Variants in ACAD11 observed in about 807,000 individuals in gnomAD.
ACAD11 encodes acyl-CoA dehydrogenase family member 11.
Under a neutral mutation model 102.2 loss-of-function variants are expected in ACAD11, and 83 were observed. That is an observed-to-expected ratio of 0.81 (90% CI 0.68 to 0.97). The LOEUF (loss-of-function observed/expected upper bound fraction) is 0.97. Among genes scored for constraint, ACAD11 ranks in the 50% least tolerant of loss-of-function variants. ACAD11 has a pLI of 0.00. For synonymous variants in ACAD11, 324 were observed against 319.8 expected (o/e 1.01, Z -0.14); for missense variants, 901 against 951.7 (o/e 0.95, Z 0.70).
chr3:132,575,464 C>G (rs1937508884), intron 17 of ACAD11, among the ~76,000 whole-genome samples: 1 of 152,190 alleles, frequency 6.6e-6, no homozygotes, highest in South Asian at 2.1e-4. Context: ...TTCCTTATGA[C>G]AGCTCCTTCA....
intron 5 of ACAD11, among the ~76,000 whole-genome samples, chr3:132,638,174 C>T (rs1453852464): frequency 6.6e-6 from 1 of 152,070 alleles, no homozygotes; most frequent in African/African-American, 2.4e-5. Context: ...CTAGTTGCTC[C>T]ACATTGACTG....
At chr3:132,645,697 T>C (rs1012336858) in intron 1 of ACAD11, 5 of 152,228 alleles carry the variant, frequency 3.3e-5, no homozygotes, top group African/African-American at 9.6e-5. Context: ...TTGGAGCTTC[T>C]TCCCAGGACT....
chr3:132,649,823 T>A (rs745545732), intron 1 of ACAD11: 1 of 152,142 alleles, frequency 6.6e-6, no homozygotes, highest in Non-Finnish European at 1.5e-5. Flanking sequence ...CAAAATTGAG[T>A]GAGCAATGAT....
chr3:132,559,156 C>T (rs1427618817), intron 19 of ACAD11, 71 bp from the exon 20 acceptor site: 2 of 1,032,002 alleles, frequency 1.9e-6, no homozygotes, highest in Non-Finnish European at 3.0e-6. Flanking sequence ...ACATCAGTCA[C>T]TCTGATTGTC....
intron 17 of ACAD11, among the ~76,000 whole-genome samples, chr3:132,571,822 T>C (rs977582265): frequency 2.6e-5 from 4 of 152,218 alleles, no homozygotes; most frequent in African/African-American, 9.7e-5. Flanking sequence ...ATCATCTCAA[T>C]AGATGCAGAA....
intron 17 of ACAD11, among the ~76,000 whole-genome samples, chr3:132,567,753 A>C (rs146650859): frequency 6.6e-6 from 1 of 152,300 alleles, no homozygotes; most frequent in East Asian, 1.9e-4. Flanking sequence ...CAGGACATCT[A>C]CAAAAATGCT....
intron 4 of ACAD11, among the ~76,000 whole-genome samples, chr3:132,640,120 T>TC (rs1940432790): frequency 6.7e-6 from 1 of 148,416 alleles, no homozygotes; most frequent in African/African-American, 2.5e-5. Flanking sequence ...GACATTTACT[T>TC]TTTTTTTTTT....
intron 17 of ACAD11, among the ~76,000 whole-genome samples, chr3:132,569,251 A>G (rs1440711568): frequency 6.6e-6 from 1 of 152,170 alleles, no homozygotes; most frequent in East Asian, 1.9e-4. Context: ...TGATTCACCA[A>G]CAGGGCAACT....
At chr3:132,595,779 A>G (rs923601370) in intron 13 of ACAD11, among the ~76,000 whole-genome samples, 4 of 152,190 alleles carry the variant, frequency 2.6e-5, no homozygotes, top group Non-Finnish European at 5.9e-5. Context: ...GGCTATTATT[A>G]AAAACTCAAA....
intron 11 of ACAD11, among the ~76,000 whole-genome samples, chr3:132,614,839 C>G (rs559844279): frequency 5.3e-5 from 8 of 152,248 alleles, no homozygotes; most frequent in African/African-American, 1.9e-4. Flanking sequence ...TCTAATTAAA[C>G]TAAAAAGCTT....
chr3:132,642,177 A>G (rs1940552164), intron 3 of ACAD11, 44 bp from the exon 4 acceptor site: 1 of 1,518,590 alleles, frequency 6.6e-7, no homozygotes, highest in Admixed American at 1.8e-5. Flanking sequence ...TGTATAATCA[A>G]TACTTTGTCG....
rs1042943124 is a variant in ACAD11 at position 132,560,666 on chromosome 3, C to G, written c.2118+435G>C. ...AAACAATTCTCCCACCTCCACTTCC[C>G]AAGTAGCTTGGATTACAGGCGAGAG... On this transcript the variant is annotated intron_variant, in intron 18 of 19. Transcript: ENST00000264990. Among the ~76,000 whole-genome samples, 12 of 152,084 alleles carry G rather than the reference C, an allele frequency of 7.9e-5. 1 individual carries two copies. Among genetic ancestry groups the G allele is most frequent in the Non-Finnish European group, 1.6e-4 (11 of 68,014 alleles).
intron 17 of ACAD11, among the ~76,000 whole-genome samples, chr3:132,568,255 T>C (rs1937269094): frequency 6.6e-6 from 1 of 151,896 alleles, no homozygotes; most frequent in Non-Finnish European, 1.5e-5. Context: ...AAACTATACT[T>C]CCATATACTA....
At chr3:132,635,950 T>C (rs986634862) in intron 5 of ACAD11, among the ~76,000 whole-genome samples, 3 of 152,122 alleles carry the variant, frequency 2.0e-5, no homozygotes, top group African/African-American at 7.2e-5. Flanking sequence ...TCTTACATCA[T>C]TCTATTTGTT....
chr3:132,606,090 T>C (rs1938824596), intron 11 of ACAD11, among the ~76,000 whole-genome samples: 1 of 152,230 alleles, frequency 6.6e-6, no homozygotes, highest in Non-Finnish European at 1.5e-5. Context: ...TTTCTTAAAA[T>C]ACTGTCTAAA....
At chr3:132,601,162 T>G in intron 13 of ACAD11, 1 of 1,612,582 alleles carries the variant, frequency 6.2e-7, no homozygotes, top group Non-Finnish European at 8.5e-7. Context: ...CTCAACTGCC[T>G]TATAACATTG....
intron 17 of ACAD11, among the ~76,000 whole-genome samples, chr3:132,571,482 C>A (rs977772681): frequency 2.0e-5 from 3 of 151,664 alleles, no homozygotes; most frequent in African/African-American, 7.3e-5. Flanking sequence ...TTTCTTTTGC[C>A]GTGCAGAAGC....
chr3:132,604,526 T>C (rs986072876), intron 12 of ACAD11, among the ~76,000 whole-genome samples: 1 of 152,140 alleles, frequency 6.6e-6, no homozygotes, highest in Admixed American at 6.5e-5. Flanking sequence ...CAAGCAAAAT[T>C]TGGTATAATT....
intron 1 of ACAD11, among the ~76,000 whole-genome samples, chr3:132,652,389 G>A (rs1399593924): frequency 2.6e-5 from 4 of 152,052 alleles, no homozygotes; most frequent in South Asian, 2.1e-4. Flanking sequence ...ACCCAGTCTC[G>A]GGTATGTCTT....
Sources: allele counts gnomAD v4.1 joint callset (sites outside exome capture counted in the v4.1 genomes callset), GRCh38; gene constraint gnomAD v4.1.1; transcripts MANE v1.5; gene names NCBI Gene and HGNC (gene_info 2026-07-23, HGNC 2026-07-21).